The following FHAD1 variants were observed in gnomAD, a reference collection of about 807,000 sequenced individuals.
FHAD1 encodes the protein forkhead associated phosphopeptide binding domain 1.
In FHAD1, 146 loss-of-function variants were observed where a neutral mutation model predicts 191.3. The observed-to-expected ratio is 0.76, with a 90% CI of 0.67 to 0.88. The LOEUF is 0.88. Among genes scored for constraint, FHAD1 ranks in the 40% least tolerant of loss-of-function variants. FHAD1 has a pLI of 0.00. For synonymous variants in FHAD1, 616 were observed against 672.3 expected, an observed-to-expected ratio of 0.92 and a Z score of 1.29; for missense variants, 1,635 against 1,785.8, an observed-to-expected ratio of 0.92 and a Z score of 1.52.
intron 31 of FHAD1, among the ~76,000 whole-genome samples, chr1:15,382,855 G>A (rs970711166): frequency 6.6e-6 from 1 of 152,222 alleles, no homozygotes; most frequent in Non-Finnish European, 1.5e-5. Context: ...GGGATGAGAG[G>A]GTGGACATTC....
chr1:15,294,183 G>A (rs987722376), intron 4 of FHAD1, among the ~76,000 whole-genome samples: 5 of 152,210 alleles, frequency 3.3e-5, no homozygotes, highest in South Asian at 2.1e-4. Context: ...TGAAAGCACC[G>A]AGTTTTGAGG....
intron 14 of FHAD1, among the ~76,000 whole-genome samples, chr1:15,338,046 G>A (rs112751246): frequency 1.3e-5 from 2 of 152,200 alleles, no homozygotes; most frequent in African/African-American, 4.8e-5. Context: ...CTCCTCCACT[G>A]TCTGCTCCTC....
At chr1:15,256,370 C>A (rs537876722) in intron 2 of FHAD1, among the ~76,000 whole-genome samples, 1 of 152,142 alleles carries the variant, frequency 6.6e-6, no homozygotes, top group East Asian at 1.9e-4. Context: ...CAGGACCGCA[C>A]AGCCAGGCAC....
intron 14 of FHAD1, among the ~76,000 whole-genome samples, chr1:15,330,839 G>C (rs1680986969): frequency 1.3e-5 from 2 of 152,188 alleles, no homozygotes; most frequent in African/African-American, 4.8e-5. Context: ...AAGGCCTTAA[G>C]TAAGGAGCTG....
chr1:15,348,944 G>A, intron 18 of FHAD1, 98 bp from the exon 19 acceptor site: 3 of 841,010 alleles, frequency 3.6e-6, no homozygotes, highest in Non-Finnish European at 5.6e-6. Flanking sequence ...CACTTTGGCT[G>A]TTATTGTTAC....
chr1:15,339,708 T>C (rs989982587), intron 15 of FHAD1, among the ~76,000 whole-genome samples, 157 bp downstream of exon 15: 1 of 152,206 alleles, frequency 6.6e-6, no homozygotes, highest in African/African-American at 2.4e-5. Context: ...CACAAAGAGG[T>C]ACAGAAAAGG....
intron 2 of FHAD1, among the ~76,000 whole-genome samples, chr1:15,257,756 T>G (rs1648952065): frequency 6.6e-6 from 1 of 152,234 alleles, no homozygotes; most frequent in East Asian, 1.9e-4. Context: ...CATCTCTCTT[T>G]TCAATAAATA....
chr1:15,348,399 C>T (rs1689669776), intron 18 of FHAD1, among the ~76,000 whole-genome samples: 1 of 152,160 alleles, frequency 6.6e-6, no homozygotes, highest in Non-Finnish European at 1.5e-5. Flanking sequence ...AGTGTATTTC[C>T]TTTGGTGATT....
rs369820453 is a variant in FHAD1, at chr1:15,296,650, G to A, written c.569-34G>A. 2.2e-4 allele frequency: 330 copies of A among 1,523,236 alleles called. No individual in the cohort carries two copies. In the African/African-American group the frequency reaches 3.8e-3, roughly 18 times the overall value. The allele number at this position is 1,523,236 out of a possible 1,614,324, so 94.4% of individuals were successfully genotyped here. ...TTCAGGCCTCAGGGAAACTCATGAT[G>A]TCTTTTGTGCTCTCTGCTGATCTCA... On this transcript the variant is annotated intron_variant, in intron 4 of 33. Coordinates refer to ENST00000688493, the MANE Select transcript of FHAD1 (RefSeq NM_001391957.1).
chr1:15,339,245 T>C (rs776930468), intron 14 of FHAD1, among the ~76,000 whole-genome samples: 3 of 152,128 alleles, frequency 2.0e-5, no homozygotes, highest in Non-Finnish European at 2.9e-5. Flanking sequence ...AGTCTCGAGC[T>C]CCTGACCTCA....
intron 10 of FHAD1, among the ~76,000 whole-genome samples, chr1:15,324,020 A>G (rs965772721): frequency 6.6e-6 from 1 of 152,190 alleles, no homozygotes; most frequent in African/African-American, 2.4e-5. Flanking sequence ...CACCTGTTCT[A>G]GGTCACAACA....
chr1:15,250,491 T>C (rs550940146), intron 1 of FHAD1, among the ~76,000 whole-genome samples: 46 of 152,208 alleles, frequency 3.0e-4, no homozygotes, highest in Non-Finnish European at 4.3e-4. Context: ...AGCCTCTCTG[T>C]ATGTTTGACA....
At chr1:15,264,846 T>C (rs2101054518) in intron 2 of FHAD1, among the ~76,000 whole-genome samples, 1 of 152,332 alleles carries the variant, frequency 6.6e-6, no homozygotes, top group Non-Finnish European at 1.5e-5. Context: ...TGTAGTTTTC[T>C]TCTATTCCTA....
intron 18 of FHAD1, among the ~76,000 whole-genome samples, chr1:15,347,789 T>A (rs1017932459): frequency 3.9e-5 from 6 of 152,136 alleles, no homozygotes; most frequent in African/African-American, 1.2e-4. Context: ...ATCATCAGGG[T>A]TTTTAAGGTC....
intron 2 of FHAD1, among the ~76,000 whole-genome samples, chr1:15,260,778 C>A (rs2100983014): frequency 6.6e-6 from 1 of 152,354 alleles, no homozygotes; most frequent in African/African-American, 2.4e-5. Context: ...AGAGAAAGTT[C>A]TTTGTTTTTA....
intron 1 of FHAD1, among the ~76,000 whole-genome samples, chr1:15,248,629 T>C (rs1164744100): frequency 6.6e-6 from 1 of 151,310 alleles, no homozygotes; most frequent in East Asian, 1.9e-4. Context: ...TCTCCCAAGC[T>C]AGATAGAGTG....
intron 31 of FHAD1, among the ~76,000 whole-genome samples, chr1:15,387,660 G>A (rs6692439): frequency 0.12 from 17,833 of 152,082 alleles, 2,538 homozygotes; most frequent in African/African-American, 0.34. Flanking sequence ...TGATGTAGGA[G>A]GATGGCTTGA....
intron 2 of FHAD1, among the ~76,000 whole-genome samples, chr1:15,269,915 CT>C (rs144971337): frequency 0.29 from 35,393 of 122,782 alleles, 2,601 homozygotes; most frequent in East Asian, 0.43. Context: ...TTATGGCTCT[CT>C]TTTTTTTTTT....
chr1:15,258,540 A>T (rs1649414243), intron 2 of FHAD1, among the ~76,000 whole-genome samples: 1 of 151,164 alleles, frequency 6.6e-6, no homozygotes, highest in Non-Finnish European at 1.5e-5. Flanking sequence ...GGCTGCTGTG[A>T]ATAATGCTGC....
Sources: gnomAD v4.1 joint callset for allele counts (sites outside exome capture counted in the v4.1 genomes callset) on GRCh38, gnomAD v4.1.1 for gene constraint, MANE v1.5 for transcripts, NCBI Gene and HGNC (gene_info 2026-07-23, HGNC 2026-07-21) for gene names.